FMN1: variants seen among roughly 807,000 people sequenced by gnomAD.
FMN1 encodes the protein formin-1.
In FMN1, 110 loss-of-function variants were observed where a neutral mutation model predicts 132.4. That is an observed-to-expected ratio of 0.83 (90% CI 0.71 to 0.97). The LOEUF is 0.97. Among genes scored for constraint, FMN1 ranks in the 50% least tolerant of loss-of-function variants. The pLI is 0.00. For synonymous variants in FMN1, 722 were observed against 651.7 expected (o/e 1.11, Z -1.64); for missense variants, 1,792 against 1,705.3 (o/e 1.05, Z -0.90).
intron 15 of FMN1, among the ~76,000 whole-genome samples, chr15:32,890,680 A>G (rs1293527646): frequency 6.6e-6 from 1 of 152,156 alleles, no homozygotes; most frequent in Admixed American, 6.5e-5. Context: ...AGATGTATAG[A>G]TTGTAAAGAT....
chr15:32,926,271 G>GAAAA lies in FMN1; in HGVS notation c.3139-14_3139-11dup. The stretch of plus-strand genomic sequence containing the variant: ...CCAACAATTTGATGATCTAAAATTA[G>GAAAA]AAAAAAAAAAAAAAGAATACAAGCT... On this transcript the variant is annotated splice_polypyrimidine_tract_variant and intron_variant, in intron 9 of 20. Transcript: ENST00000616417. 2 of 994,352 alleles carry GAAAA rather than the reference G, an allele frequency of 2.0e-6. No homozygotes were observed. The highest frequency in any genetic ancestry group is 2.8e-6 in the Non-Finnish European group (2 of 708,204). The allele number at this position is 994,352 out of a possible 1,614,324, so 61.6% of individuals were successfully genotyped here. A position where few individuals can be genotyped will look rare whatever the true frequency, so the allele number is the denominator to read the frequency against.
At chr15:32,857,394 A>G (rs1161579974) in intron 16 of FMN1, among the ~76,000 whole-genome samples, 3 of 152,330 alleles carry the variant, frequency 2.0e-5, no homozygotes, top group Non-Finnish European at 2.9e-5. Flanking sequence ...TGGGATAGGT[A>G]AAGTATTCTG....
chr15:32,775,138 G>C (rs17816345), intron 20 of FMN1, among the ~76,000 whole-genome samples: 38,410 of 152,138 alleles, frequency 0.25, 5,539 homozygotes, highest in Middle Eastern at 0.35. Flanking sequence ...TTTGAGAATG[G>C]ATCCTTAGCT....
At chr15:33,100,506 G>A (rs750218294) in intron 4 of FMN1, among the ~76,000 whole-genome samples, 1 of 149,486 alleles carries the variant, frequency 6.7e-6, no homozygotes, top group Non-Finnish European at 1.5e-5. Flanking sequence ...TTTAAAGGAG[G>A]AAAGGGAGGA....
intron 6 of FMN1, among the ~76,000 whole-genome samples, chr15:33,057,761 G>T (rs1234290462): frequency 6.6e-6 from 1 of 152,056 alleles, no homozygotes; most frequent in East Asian, 1.9e-4. Context: ...TTATCTTGGG[G>T]GGAAAAGTGC....
In FMN1 at chr15:32,791,060, G is replaced by A. The variant is rs191484656; in HGVS notation, c.4130+7744C>T. Among the ~76,000 whole-genome samples, 66 of 152,170 alleles carry A rather than the reference G, an allele frequency of 4.3e-4. No homozygotes were observed. In the Middle Eastern group the frequency reaches 0.01, roughly 24 times the overall value. ...CAGCAGGAAATAATGGGGGGAATGC[G>A]GTATGAAGAAATTATCCAGTGAGAA... On this transcript the variant is annotated intron_variant, in intron 19 of 20. Transcript: ENST00000616417.
chr15:33,012,844 T>A, intron 6 of FMN1: 1 of 617,032 alleles, frequency 1.6e-6, no homozygotes, highest in South Asian at 1.4e-5. Flanking sequence ...TGGGGGTGGC[T>A]ATAATGAATT....
intron 16 of FMN1, among the ~76,000 whole-genome samples, chr15:32,877,378 AGAATACCTGAGATG>A (rs1398843290): frequency 6.6e-6 from 1 of 152,156 alleles, no homozygotes. Flanking sequence ...ATTTACAAAG[AGAATACCTGAGATG>A]CAAGCCTGAT....
intron 7 of FMN1, among the ~76,000 whole-genome samples, chr15:33,003,823 A>T (rs1015433077): frequency 6.6e-6 from 1 of 152,250 alleles, no homozygotes; most frequent in African/African-American, 2.4e-5. Flanking sequence ...CCAAAACAGC[A>T]TGGTTCTGGT....
At chr15:33,019,786 C>T in intron 6 of FMN1, among the ~76,000 whole-genome samples, 1 of 152,336 alleles carries the variant, frequency 6.6e-6, no homozygotes, top group South Asian at 2.1e-4. Context: ...GCCCGCCAAG[C>T]CCATGCCCAC....
rs546816090 is a variant in FMN1, at chr15:33,033,177, C to G, written c.2162-25102G>C. ...TCCCGAGTAGCTGGGACTACAGGTGCCCGCCACCACACGCGGCTAATTTTT... is the reference window on the plus strand; with the variant it reads ...TCCCGAGTAGCTGGGACTACAGGTGGCCGCCACCACACGCGGCTAATTTTT... On this transcript the variant is annotated intron_variant, in intron 6 of 20. Coordinates refer to ENST00000616417, the MANE Select transcript of FMN1 (RefSeq NM_001277313.2). 1.2e-3 allele frequency among the ~76,000 whole-genome samples: 183 copies of G among 152,174 alleles called. 1 individual carries two copies. Among genetic ancestry groups the G allele is most frequent in the Non-Finnish European group, 2.1e-3 (145 of 68,002 alleles).
At chr15:33,073,141 T>C (rs751196061) in intron 5 of FMN1, among the ~76,000 whole-genome samples, 1 of 152,216 alleles carries the variant, frequency 6.6e-6, no homozygotes, top group Non-Finnish European at 1.5e-5. Context: ...TTACTCTTTG[T>C]AGCACTTCTC....
intron 16 of FMN1, among the ~76,000 whole-genome samples, chr15:32,862,318 C>A: frequency 6.6e-6 from 1 of 152,082 alleles, no homozygotes; most frequent in East Asian, 1.9e-4. Context: ...CCAAAGTCAC[C>A]CCAGGTTCTC....
intron 5 of FMN1, among the ~76,000 whole-genome samples, chr15:33,082,741 A>G (rs2038532696): frequency 6.6e-6 from 1 of 152,166 alleles, no homozygotes; most frequent in African/African-American, 2.4e-5. Context: ...TTCATGTCCT[A>G]AATGGGCGCT....
intron 6 of FMN1, among the ~76,000 whole-genome samples, chr15:33,014,336 G>T (rs12899665): frequency 6.6e-6 from 1 of 152,144 alleles, no homozygotes; most frequent in African/African-American, 2.4e-5. Context: ...GGAGGCAGAG[G>T]TGTCAACTCA....
chr15:33,136,626 A>G (rs1963778726), intron 4 of FMN1, among the ~76,000 whole-genome samples: 2 of 152,234 alleles, frequency 1.3e-5, no homozygotes, highest in Non-Finnish European at 2.9e-5. Flanking sequence ...GAAATGTGTC[A>G]TCAGTCAAGA....
chr15:33,067,633 C>A (rs1328630198), intron 5 of FMN1: 2 of 1,614,016 alleles, frequency 1.2e-6, no homozygotes, highest in Admixed American at 1.7e-5. Context: ...AAACCCGAGA[C>A]CCTGCTTCCT....
intron 4 of FMN1, among the ~76,000 whole-genome samples, chr15:33,109,840 T>TAAA (rs66923699): frequency 2.0e-3 from 289 of 146,628 alleles, no homozygotes; most frequent in African/African-American, 5.2e-3. Flanking sequence ...AAATGAAAGT[T>TAAA]AAAAAAAAAA....
At chr15:33,007,151 A>G (rs774574290) in intron 7 of FMN1, among the ~76,000 whole-genome samples, 5 of 152,244 alleles carry the variant, frequency 3.3e-5, no homozygotes, top group Non-Finnish European at 5.9e-5. Flanking sequence ...CAATATATAC[A>G]TATTTCAAAA....
Sources: allele counts gnomAD v4.1 joint callset (sites outside exome capture counted in the v4.1 genomes callset), GRCh38; gene constraint gnomAD v4.1.1; transcripts MANE v1.5; gene names NCBI Gene and HGNC (gene_info 2026-07-23, HGNC 2026-07-21).